SLITRK2: variants seen among roughly 807,000 people sequenced by gnomAD.
SLITRK2 encodes SLIT and NTRK-like protein 2.
SLITRK2 carries 13 observed loss-of-function variants against 35.4 expected under a neutral mutation model. The observed-to-expected ratio is 0.37, with a 90% CI of 0.24 to 0.58. SLITRK2 has a LOEUF of 0.58. Among genes scored for constraint, SLITRK2 ranks in the 20% least tolerant of loss-of-function variants. The pLI, the probability that SLITRK2 is intolerant of heterozygous loss-of-function variation, is 0.75. For missense variants in SLITRK2, 471 were observed against 634.3 expected, an observed-to-expected ratio of 0.74 and a Z score of 2.76; for synonymous variants, 294 against 264.7, an observed-to-expected ratio of 1.11 and a Z score of -1.07.
At position 145,827,941 on chromosome X, in the gene SLITRK2, G is replaced by C. The variant is rs144670117; in HGVS notation, c.*2978G>C. ...CGTATGAGCATCAGCACAGCAAAAT[G>C]GTTCCAGCCTACAGAATGCAGTCTC... On this transcript the variant is annotated 3_prime_UTR_variant, in exon 5 of 5. Transcript: ENST00000335565. The C allele has an allele frequency of 3.3e-6, 4 of 1,209,016 alleles. No individual in the cohort carries two copies. The highest frequency in any genetic ancestry group is 1.8e-5 in the South Asian group (1 of 56,481).
Position 145,827,908 on chromosome X carries a change from C to T in SLITRK2, c.*2945C>T. 1 of 1,211,462 alleles carries T rather than the reference C, an allele frequency of 8.3e-7. No homozygotes were observed. Among genetic ancestry groups the T allele is most frequent in the Non-Finnish European group, 1.1e-6 (1 of 895,332 alleles). On this transcript the variant is annotated 3_prime_UTR_variant, in exon 5 of 5. Coordinates refer to ENST00000335565, the MANE Select transcript of SLITRK2 (RefSeq NM_032539.5). Reference sequence around the variant, plus strand: ...TATTTCACTTTTATTTCACATGCAGCTTTAAGACGTATGAGCATCAGCACA... The same window carrying T: ...TATTTCACTTTTATTTCACATGCAGTTTTAAGACGTATGAGCATCAGCACA...
chrX:145,822,070 G>C lies in SLITRK2; in HGVS notation c.-127G>C. Reference sequence around the variant, plus strand: ...CCCGAGATCTCTTCGAGATACCCCAGGGGAGGAGGAGATGGGCAGGATTTA... The same window carrying C: ...CCCGAGATCTCTTCGAGATACCCCACGGGAGGAGGAGATGGGCAGGATTTA... On this transcript the variant is annotated 5_prime_UTR_variant, in exon 4 of 5. Transcript: ENST00000335565. 1 of 181,587 alleles carries C rather than the reference G, an allele frequency of 5.5e-6. No homozygotes were observed. 15.0% of individuals were successfully genotyped at this position (181,587 alleles called of 1,213,427 possible). A position where few individuals can be genotyped will look rare whatever the true frequency, so the allele number is the denominator to read the frequency against.
chrX:145,825,923 C>T lies in SLITRK2; in HGVS notation c.*960C>T, dbSNP rs56050756. 2.2e-3 allele frequency: 266 copies of T among 118,945 alleles called. No individual in the cohort carries two copies. Among genetic ancestry groups the T allele is most frequent in the Non-Finnish European group, 4.4e-3 (233 of 53,099 alleles). 9.8% of individuals were successfully genotyped at this position (118,945 alleles called of 1,213,427 possible). ...CATGGTGAGTGTTTTAGATTATTTT[C>T]CTAATTAAAAGAACGTGACACAGCT... On this transcript the variant is annotated 3_prime_UTR_variant, in exon 5 of 5. Transcript: ENST00000335565.
At position 145,824,828 on chromosome X, in the gene SLITRK2, C is replaced by A. The variant is rs1001861008; in HGVS notation, c.2403C>A (p.Thr801=). The change falls in exon 5 of 5, where the codon ACC becomes ACA. Residue 801 remains threonine, a synonymous_variant. Transcript: ENST00000335565. Reference sequence around the variant, plus strand: ...AAAACCAAGACAGAATCAATAAAACCGTTTTATATGGAACTCCCAGGAAAT... The same window carrying A: ...AAAACCAAGACAGAATCAATAAAACAGTTTTATATGGAACTCCCAGGAAAT... ...RRQNQDRINK[T]VLYGTPRKCF... 5 of 1,211,604 alleles carry A rather than the reference C, an allele frequency of 4.1e-6. No individual in the cohort carries two copies. Among genetic ancestry groups the A allele is most frequent in the Non-Finnish European group, 5.6e-6 (5 of 895,553 alleles).
rs2073137076 is a variant in SLITRK2, at chrX:145,827,531, AACTT to A, written c.*2575_*2578del. The A allele has an allele frequency of 2.1e-5, 10 of 484,234 alleles. No homozygotes were observed. In the East Asian group the frequency reaches 2.5e-4, roughly 12 times the overall value. The allele number at this position is 484,234 out of a possible 1,213,427, so 39.9% of individuals were successfully genotyped here. On this transcript the variant is annotated 3_prime_UTR_variant, in exon 5 of 5. Coordinates refer to ENST00000335565, the MANE Select transcript of SLITRK2 (RefSeq NM_032539.5). ...TAAAGACAGATGATACCTTAATATTAACTTACTTACACGATTTTAAAGACGCCTA... is the reference window on the plus strand; with the variant it reads ...TAAAGACAGATGATACCTTAATATTAACTTACACGATTTTAAAGACGCCTA...
At position 145,828,709 on chromosome X, in the gene SLITRK2, G is replaced by A. The variant is rs1279448016; in HGVS notation, c.*3746G>A. The stretch of plus-strand genomic sequence containing the variant: ...ACAGTAATGCAATGCAGGAAGTTAA[G>A]TTTTTAAAGGTGATTCTGTGCAGTA... On this transcript the variant is annotated 3_prime_UTR_variant, in exon 5 of 5. Transcript: ENST00000335565. 8.1e-6 allele frequency: 1 copy of A among 122,851 alleles called. No homozygotes were observed. Among genetic ancestry groups the A allele is most frequent in the Non-Finnish European group, 1.9e-5 (1 of 53,265 alleles). The allele number at this position is 122,851 out of a possible 1,213,427, so 10.1% of individuals were successfully genotyped here.
In SLITRK2 at chrX:145,822,412, G is replaced by A. The variant is rs782526820; in HGVS notation, c.-14G>A. ...GCCTGTAGGTACCTGAGTTGACACC[G>A]AAGGTGCCTAAAGATGCTGAGCGGC... On this transcript the variant is annotated 5_prime_UTR_variant, in exon 5 of 5. Coordinates refer to ENST00000335565, the MANE Select transcript of SLITRK2 (RefSeq NM_032539.5). 5.0e-6 allele frequency: 6 copies of A among 1,194,108 alleles called. No homozygotes were observed. The highest frequency in any genetic ancestry group is 1.9e-5 in the South Asian group (1 of 53,351).
At position 145,824,378 on chromosome X, in the gene SLITRK2, G is replaced by A. The variant is rs189745873; in HGVS notation, c.1953G>A (p.Pro651=). 63 of 1,208,693 alleles carry A rather than the reference G, an allele frequency of 5.2e-5. 1 individual carries two copies. The East Asian group carries it at 1.5e-3, about 30-fold the overall frequency. The change falls in exon 5 of 5, where the codon CCG becomes CCA. Residue 651 remains proline, a synonymous_variant. Transcript: ENST00000335565. ...VFVLKRRKGV[P]SVPRNTNNLD... Reference sequence around the variant, plus strand: ...TCTTGAAACGCCGAAAGGGAGTGCCGAGCGTTCCCAGGAATACCAACAACT... The same window carrying A: ...TCTTGAAACGCCGAAAGGGAGTGCCAAGCGTTCCCAGGAATACCAACAACT...
chrX:145,823,880 C>G lies in SLITRK2; in HGVS notation c.1455C>G (p.Ser485=). ...LLFLNNNLLR[S]LPDNIFGGTA... ...TTCTGAACAACAACCTTCTTCGGTC[C>G]TTACCTGATAATATATTTGGGGGGA... Residue 485 remains serine, a synonymous_variant, in exon 5 of 5, where the codon TCC becomes TCG. Transcript: ENST00000335565. 1 of 1,210,823 alleles carries G rather than the reference C, an allele frequency of 8.3e-7. No homozygotes were observed. Among genetic ancestry groups the G allele is most frequent in the Non-Finnish European group, 1.1e-6 (1 of 895,222 alleles).
At chrX:145,822,261 C>G (rs1490773727) in intron 4 of SLITRK2, 108 bp downstream of exon 4, 2 of 442,843 alleles carry the variant, frequency 4.5e-6, no homozygotes. Flanking sequence ...TTCATTCTGC[C>G]GTGTTGCTAA....
rs2124182402 is a variant in SLITRK2, at chrX:145,823,722, A to T, written c.1297A>T (p.Asn433Tyr). 1 of 1,211,636 alleles carries T rather than the reference A, an allele frequency of 8.3e-7. No individual in the cohort carries two copies. ...TSLRRLYLNG[N>Y]YLEVLYPSMF... ...TTTACGCAGACTTTATCTGAATGGCAATTACCTTGAAGTGCTGTACCCTTC... is the reference window on the plus strand; with the variant it reads ...TTTACGCAGACTTTATCTGAATGGCTATTACCTTGAAGTGCTGTACCCTTC... Residue 433 changes from asparagine (N) to tyrosine (Y), a missense_variant, in exon 5 of 5, where the codon AAT (asparagine) becomes TAT (tyrosine). Around this residue, in one of 7 missense-constraint regions of SLITRK2, gnomAD observed 92 missense variants for 184.2 expected, o/e 0.50. Transcript: ENST00000335565.
Position 145,828,096 on chromosome X carries a change from A to C in SLITRK2, c.*3133A>C. 1.1e-6 allele frequency: 1 copy of C among 879,285 alleles called. No individual in the cohort carries two copies. The highest frequency in any genetic ancestry group is 1.5e-6 in the Non-Finnish European group (1 of 645,273). 72.5% of individuals were successfully genotyped at this position (879,285 alleles called of 1,213,427 possible). ...TATACCTGTGGCTAAGTTTTTATTG[A>C]AACACTCAAAAATACCACTTCTCAG... On this transcript the variant is annotated 3_prime_UTR_variant, in exon 5 of 5. Coordinates refer to ENST00000335565, the MANE Select transcript of SLITRK2 (RefSeq NM_032539.5).
Position 145,825,134 on chromosome X carries a change from C to A in SLITRK2, c.*171C>A. 7.3e-6 allele frequency: 3 copies of A among 409,790 alleles called. No homozygotes were observed. The highest frequency in any genetic ancestry group is 1.1e-5 in the Non-Finnish European group (3 of 261,867). The allele number at this position is 409,790 out of a possible 1,213,427, so 33.8% of individuals were successfully genotyped here. On this transcript the variant is annotated 3_prime_UTR_variant, in exon 5 of 5. Transcript: ENST00000335565. ...TCATGATTTTGCTTTTGCAAGTTTT[C>A]CTTTAAATTATTTCTCTCTCGCTCT...
At chrX:145,818,943 G>A (rs782021020) in intron 1 of SLITRK2, 1 of 112,017 alleles carries the variant, frequency 8.9e-6, no homozygotes, top group South Asian at 3.8e-4. Context: ...TGGTTATCGC[G>A]TTTCAGGCTG....
rs1323373390 is a variant in SLITRK2, at chrX:145,820,480, A to G, written c.-786A>G. 8.9e-6 allele frequency: 1 copy of G among 112,691 alleles called. No homozygotes were observed. The highest frequency in any genetic ancestry group is 1.9e-5 in the Non-Finnish European group (1 of 53,361). The allele number at this position is 112,691 out of a possible 1,213,427, so 9.3% of individuals were successfully genotyped here. A position where few individuals can be genotyped will look rare whatever the true frequency, so the allele number is the denominator to read the frequency against. On this transcript the variant is annotated 5_prime_UTR_variant, in exon 2 of 5. Transcript: ENST00000335565. Reference sequence around the variant, plus strand: ...ACCTACCTGCCTTTTGCAGATGGACACAGGAAGATCCAGAAGCTAGTGGCA... The same window carrying G: ...ACCTACCTGCCTTTTGCAGATGGACGCAGGAAGATCCAGAAGCTAGTGGCA...
rs2073126460 is a variant in SLITRK2 at position 145,826,290 on chromosome X, A to G, written c.*1327A>G. ...GTTTAACACTTTCTGACAAAACAGC[A>G]TTTTCCTCTTGAGTTTAATTGAAGC... On this transcript the variant is annotated 3_prime_UTR_variant, in exon 5 of 5. Transcript: ENST00000335565. The G allele has an allele frequency of 8.9e-6, 1 of 111,779 alleles. No homozygotes were observed. The highest frequency in any genetic ancestry group is 9.5e-5 in the Admixed American group (1 of 10,537). The allele number at this position is 111,779 out of a possible 1,213,427, so 9.2% of individuals were successfully genotyped here. A position where few individuals can be genotyped will look rare whatever the true frequency, so the allele number is the denominator to read the frequency against.
rs2124155111 is a variant in SLITRK2 at position 145,822,744 on chromosome X, A to T, written c.319A>T (p.Ser107Cys). 1 of 1,211,258 alleles carries T rather than the reference A, an allele frequency of 8.3e-7. No individual in the cohort carries two copies. Among genetic ancestry groups the T allele is most frequent in the Non-Finnish European group, 1.1e-6 (1 of 895,378 alleles). Residue 107 changes from serine (S) to cysteine (C), a missense_variant, in exon 5 of 5, where the codon AGT (serine) becomes TGT (cysteine). Transcript: ENST00000335565. ...GLQEIRTGAF[S>C]GLKTLKRLHL... ...ACAGGAGATCCGAACGGGGGCATTC[A>T]GTGGCCTGAAAACTCTCAAAAGACT...
rs2073149782 is a variant in SLITRK2, at chrX:145,828,934, T to C, written c.*3971T>C. 1 of 123,853 alleles carries C rather than the reference T, an allele frequency of 8.1e-6. No homozygotes were observed. Among genetic ancestry groups the C allele is most frequent in the Non-Finnish European group, 1.9e-5 (1 of 53,405 alleles). The allele number at this position is 123,853 out of a possible 1,213,427, so 10.2% of individuals were successfully genotyped here. A position where few individuals can be genotyped will look rare whatever the true frequency, so the allele number is the denominator to read the frequency against. On this transcript the variant is annotated 3_prime_UTR_variant, in exon 5 of 5. Transcript: ENST00000335565. The stretch of plus-strand genomic sequence containing the variant: ...TAATGAAAGCTATATACTTGTGCTA[T>C]CTAAAGCACTACTTTGTAAAGATGA...
Position 145,827,920 on chromosome X carries a change from T to A in SLITRK2, c.*2957T>A, listed in dbSNP as rs781924785. On this transcript the variant is annotated 3_prime_UTR_variant, in exon 5 of 5. Coordinates refer to ENST00000335565, the MANE Select transcript of SLITRK2 (RefSeq NM_032539.5). ...ATTTCACATGCAGCTTTAAGACGTATGAGCATCAGCACAGCAAAATGGTTC... is the reference window on the plus strand; with the variant it reads ...ATTTCACATGCAGCTTTAAGACGTAAGAGCATCAGCACAGCAAAATGGTTC... 8.3e-7 allele frequency: 1 copy of A among 1,211,886 alleles called. No individual in the cohort carries two copies. Among genetic ancestry groups the A allele is most frequent in the Admixed American group, 2.2e-5 (1 of 46,006 alleles).
Sources: gnomAD v4.1 joint callset for allele counts on GRCh38, gnomAD v4.1.1 for gene constraint, gnomAD v4.1.1 regional missense constraint, MANE v1.5 for transcripts, NCBI Gene and HGNC (gene_info 2026-07-23, HGNC 2026-07-21) for gene names.